Variants in BRIP1 observed in about 807,000 individuals in gnomAD.
The protein encoded by BRIP1 is Fanconi anemia group J protein.
BRIP1 carries 88 observed loss-of-function variants against 119.7 expected under a neutral mutation model. The ratio of observed to expected loss-of-function variants is 0.74; its 90% CI spans 0.62 to 0.88. The LOEUF (loss-of-function observed/expected upper bound fraction) is 0.88. Among genes scored for constraint, BRIP1 ranks in the 40% least tolerant of loss-of-function variants. The probability of loss-of-function intolerance (pLI) is 0.00; values close to 1 mark genes in which losing one functional copy is unlikely to be tolerated. For missense variants in BRIP1, 1,259 were observed against 1,455.4 expected (o/e 0.87, Z 2.20); for synonymous variants, 443 against 496.5 (o/e 0.89, Z 1.43).
rs1018017289 is a variant in BRIP1, at chr17:61,794,589, G to A, written c.1341-860C>T. 6.6e-6 allele frequency among the ~76,000 whole-genome samples: 1 copy of A among 151,586 alleles called. No individual in the cohort carries two copies. The highest frequency in any genetic ancestry group is 2.4e-5 in the African/African-American group (1 of 41,234). On this transcript the variant is annotated intron_variant, in intron 9 of 19. Transcript: ENST00000259008. The surrounding 1 kb of genome is among the most constrained non-coding windows in gnomAD (Gnocchi z 4.3). The stretch of plus-strand genomic sequence containing the variant: ...AGGAAAAATAACTAATGAGTTATAA[G>A]GCTTAATACCTGGGTGATGAAATAA...
rs114832704 is a variant in BRIP1 at position 61,712,025 on chromosome 17, T to A, written c.2492+3926A>T. Reference sequence around the variant, plus strand: ...TTATGTATTTGTATATATATACATATAGCTATGTCTAAGCGATACACAAAT... The same window carrying A: ...TTATGTATTTGTATATATATACATAAAGCTATGTCTAAGCGATACACAAAT... On this transcript the variant is annotated intron_variant, in intron 17 of 19. Coordinates refer to ENST00000259008, the MANE Select transcript of BRIP1 (RefSeq NM_032043.3). 5.0e-3 allele frequency among the ~76,000 whole-genome samples: 757 copies of A among 152,198 alleles called. 2 individuals carry two copies. The highest frequency in any genetic ancestry group is 0.018 in the African/African-American group (734 of 41,520).
In BRIP1 at chr17:61,693,216, A is replaced by T. The variant is rs1464034761; in HGVS notation, c.2575+214T>A. Among the ~76,000 whole-genome samples the T allele has an allele frequency of 6.6e-6, 1 of 152,124 alleles. No homozygotes were observed. The highest frequency in any genetic ancestry group is 1.5e-5 in the Non-Finnish European group (1 of 68,006). On this transcript the variant is annotated intron_variant, in intron 18 of 19. Coordinates refer to ENST00000259008, the MANE Select transcript of BRIP1 (RefSeq NM_032043.3). The surrounding 1 kb of genome is among the most constrained non-coding windows in gnomAD (Gnocchi z 4.2). ...GTGGTTGTCAGTGGACAGGGGGGAG[A>T]GGGACATGGGGCATTGCTGTTCAGT...
In BRIP1 at chr17:61,742,682, C is replaced by T. The variant is rs551923039; in HGVS notation, c.2379+331G>A. Among the ~76,000 whole-genome samples the T allele has an allele frequency of 5.3e-4, 80 of 152,226 alleles. No individual in the cohort carries two copies. Among genetic ancestry groups the T allele is most frequent in the African/African-American group, 1.3e-3 (56 of 41,518 alleles). ...ACATCACTTATGAATTACGTTTGCT[C>T]TCTTATGTGGGTACAGTATGAGATG... On this transcript the variant is annotated intron_variant, in intron 16 of 19. Transcript: ENST00000259008. This position sits in a 1 kb window ranked among gnomAD's most constrained non-coding sequence, Gnocchi z 4.7.
At position 61,796,501 on chromosome 17, in the gene BRIP1, T is replaced by C. The variant is rs1409251183; in HGVS notation, c.1340+2599A>G. Among the ~76,000 whole-genome samples the C allele has an allele frequency of 6.6e-6, 1 of 152,098 alleles. No individual in the cohort carries two copies. Among genetic ancestry groups the C allele is most frequent in the Non-Finnish European group, 1.5e-5 (1 of 67,974 alleles). On this transcript the variant is annotated intron_variant, in intron 9 of 19. Coordinates refer to ENST00000259008, the MANE Select transcript of BRIP1 (RefSeq NM_032043.3). This position sits in a 1 kb window ranked among gnomAD's most constrained non-coding sequence, Gnocchi z 4.8. ...TATCCAGTTTTCCCGGCACCATTTA[T>C]TGAAGAGACTGTCTTTCCCTCAGTG...
chr17:61,840,150 GGC>G (rs2078636096), intron 6 of BRIP1, among the ~76,000 whole-genome samples: 3 of 152,120 alleles, frequency 2.0e-5, no homozygotes, highest in Admixed American at 2.0e-4. Context: ...CCCGAGGTCA[GGC>G]GTTCAAGGCC....
chr17:61,856,972 C>A lies in BRIP1; in HGVS notation c.379+86G>T. ...GAGATATATAATCAGTTATGCTAAC[C>A]AAACTTATATAAATTAGGGCTTATA... is the stretch of plus-strand genomic sequence containing the variant. On this transcript the variant is annotated intron_variant, in intron 4 of 19. Transcript: ENST00000259008. The surrounding 1 kb of genome is among the most constrained non-coding windows in gnomAD (Gnocchi z 5.1). 8 of 1,360,714 alleles carry A rather than the reference C, an allele frequency of 5.9e-6. No homozygotes were observed. Among genetic ancestry groups the A allele is most frequent in the Non-Finnish European group, 8.4e-6 (8 of 951,816 alleles). 84.3% of individuals were successfully genotyped at this position (1,360,714 alleles called of 1,614,324 possible).
In BRIP1 at chr17:61,847,811, T is replaced by C. The variant is rs111643505; in HGVS notation, c.508-591A>G. 2.7e-3 allele frequency among the ~76,000 whole-genome samples: 416 copies of C among 152,314 alleles called. 3 individuals carry two copies. The highest frequency in any genetic ancestry group is 9.6e-3 in the African/African-American group (398 of 41,578). ...CTATTTGTGAAAAATCTATTCACTA[T>C]ATAATTGGGGAGAAAAGCATTTCTA... On this transcript the variant is annotated intron_variant, in intron 5 of 19. Coordinates refer to ENST00000259008, the MANE Select transcript of BRIP1 (RefSeq NM_032043.3).
Position 61,683,227 on chromosome 17 carries a change from TATTA to T in BRIP1, c.*65_*68del. On this transcript the variant is annotated 3_prime_UTR_variant, in exon 20 of 20. Coordinates refer to ENST00000259008, the MANE Select transcript of BRIP1 (RefSeq NM_032043.3). The surrounding 1 kb of genome is among the most constrained non-coding windows in gnomAD (Gnocchi z 4.7). ...TATGCCACTTATTCAATTTACAAAT[TATTA>T]CTTACAACAGAGTTTAACATAAGCA... The T allele has an allele frequency of 6.8e-7, 1 of 1,474,328 alleles. No homozygotes were observed. Among genetic ancestry groups the T allele is most frequent in the South Asian group, 1.2e-5 (1 of 81,790 alleles). The allele number at this position is 1,474,328 out of a possible 1,614,324, so 91.3% of individuals were successfully genotyped here. A position where few individuals can be genotyped will look rare whatever the true frequency, so the allele number is the denominator to read the frequency against.
In BRIP1 at chr17:61,810,375, T is replaced by C. The variant is rs776863870; in HGVS notation, c.628-1618A>G. ...ATGGAATGCAAATTATATCATGATA[T>C]TTCTGACTGAATTCTTTTTGGCTTT... On this transcript the variant is annotated intron_variant, in intron 6 of 19. Coordinates refer to ENST00000259008, the MANE Select transcript of BRIP1 (RefSeq NM_032043.3). This position sits in a 1 kb window ranked among gnomAD's most constrained non-coding sequence, Gnocchi z 4.7. Among the ~76,000 whole-genome samples the C allele has an allele frequency of 6.6e-5, 10 of 152,224 alleles. No individual in the cohort carries two copies. Among genetic ancestry groups the C allele is most frequent in the Non-Finnish European group, 1.2e-4 (8 of 68,044 alleles).
chr17:61,809,358 A>G lies in BRIP1; in HGVS notation c.628-601T>C, dbSNP rs1368613363. ...TAATGAAAGCAGGTTGCTTGTGTGG[A>G]ACAAGTATATCTGAAATTCAGTTAC... On this transcript the variant is annotated intron_variant, in intron 6 of 19. Transcript: ENST00000259008. This position sits in a 1 kb window ranked among gnomAD's most constrained non-coding sequence, Gnocchi z 5.2. 6.6e-6 allele frequency among the ~76,000 whole-genome samples: 1 copy of G among 152,194 alleles called. No homozygotes were observed. Among genetic ancestry groups the G allele is most frequent in the Non-Finnish European group, 1.5e-5 (1 of 68,008 alleles).
intron 6 of BRIP1, among the ~76,000 whole-genome samples, chr17:61,818,117 C>T (rs2078264406): frequency 6.8e-6 from 1 of 147,544 alleles, no homozygotes; most frequent in Non-Finnish European, 1.5e-5. Context: ...CTTTGGGAGG[C>T]CAAGGCAGGC....
intron 6 of BRIP1, among the ~76,000 whole-genome samples, chr17:61,829,287 G>A (rs2078454103): frequency 1.3e-5 from 2 of 151,968 alleles, no homozygotes; most frequent in African/African-American, 4.8e-5. Flanking sequence ...AAGCTGGAGT[G>A]GCTATATCAA....
chr17:61,836,884 T>C (rs1268475853), intron 6 of BRIP1, among the ~76,000 whole-genome samples: 1 of 152,208 alleles, frequency 6.6e-6, no homozygotes, highest in African/African-American at 2.4e-5. Context: ...GAAGAGTTTA[T>C]TCAGAGACAG....
rs2077052468 is a variant in BRIP1, at chr17:61,745,906, A to G, written c.2098-1315T>C. ...AAAATGAAATATAGCAAATGCAAAG[A>G]AAGAAGTTAATAATAAAGCTGAATA... On this transcript the variant is annotated intron_variant, in intron 14 of 19. Coordinates refer to ENST00000259008, the MANE Select transcript of BRIP1 (RefSeq NM_032043.3). The surrounding 1 kb of genome is among the most constrained non-coding windows in gnomAD (Gnocchi z 4.4). 6.6e-6 allele frequency among the ~76,000 whole-genome samples: 1 copy of G among 152,192 alleles called. No homozygotes were observed. Among genetic ancestry groups the G allele is most frequent in the Non-Finnish European group, 1.5e-5 (1 of 68,030 alleles).
rs1387066360 is a variant in BRIP1, at chr17:61,778,614, A to G, written c.1935+1647T>C. ...TAGGTTAAATGGACTTTTGTGCAGT[A>G]GGCTGAGAACATAGAGCCTGTAATA... On this transcript the variant is annotated intron_variant, in intron 13 of 19. Coordinates refer to ENST00000259008, the MANE Select transcript of BRIP1 (RefSeq NM_032043.3). The surrounding 1 kb of genome is among the most constrained non-coding windows in gnomAD (Gnocchi z 4.4). 6.6e-6 allele frequency among the ~76,000 whole-genome samples: 1 copy of G among 152,220 alleles called. No homozygotes were observed. The highest frequency in any genetic ancestry group is 1.9e-4 in the East Asian group (1 of 5,202).
Position 61,861,484 on chromosome 17 carries a change from T to TA in BRIP1, c.55dup (p.Tyr19LeufsTer2), listed in dbSNP as rs1567878148. ...AGCAAGCTGTGACGGGTAAGCTTTATAAGGAAAGTAAATCTTCACCCCACC... is the reference window on the plus strand; with the variant it reads ...AGCAAGCTGTGACGGGTAAGCTTTATAAAGGAAAGTAAATCTTCACCCCACC... On this transcript the variant is annotated frameshift_variant, in exon 2 of 20. Transcript: ENST00000259008. LOFTEE classifies it high-confidence loss of function. This position sits in a 1 kb window ranked among gnomAD's most constrained non-coding sequence, Gnocchi z 4.5. 6.2e-7 allele frequency: 1 copy of TA among 1,613,466 alleles called. No homozygotes were observed. The highest frequency in any genetic ancestry group is 8.5e-7 in the Non-Finnish European group (1 of 1,179,532).
At position 61,846,748 on chromosome 17, in the gene BRIP1, T is replaced by C. The variant is rs1289870786; in HGVS notation, c.627+353A>G. 6.6e-6 allele frequency among the ~76,000 whole-genome samples: 1 copy of C among 152,140 alleles called. No individual in the cohort carries two copies. The highest frequency in any genetic ancestry group is 1.5e-5 in the Non-Finnish European group (1 of 68,022). ...CCTCACAGATCACTCCCCAAAAAAA[T>C]CTCAATATCTAGAACTCCTTGGACT... On this transcript the variant is annotated intron_variant, in intron 6 of 19. Coordinates refer to ENST00000259008, the MANE Select transcript of BRIP1 (RefSeq NM_032043.3). This position sits in a 1 kb window ranked among gnomAD's most constrained non-coding sequence, Gnocchi z 4.3.
Position 61,799,526 on chromosome 17 carries a change from C to G in BRIP1, c.1141-227G>C, listed in dbSNP as rs2077957979. 6.6e-6 allele frequency among the ~76,000 whole-genome samples: 1 copy of G among 152,040 alleles called. No homozygotes were observed. Among genetic ancestry groups the G allele is most frequent in the Non-Finnish European group, 1.5e-5 (1 of 67,998 alleles). ...ATTTTTTTACTCTTAAAATACTTTG[C>G]AAACCTATCGACAGCAACAAAAATA... On this transcript the variant is annotated intron_variant, in intron 8 of 19. Coordinates refer to ENST00000259008, the MANE Select transcript of BRIP1 (RefSeq NM_032043.3). The surrounding 1 kb of genome is among the most constrained non-coding windows in gnomAD (Gnocchi z 5.1).
At chr17:61,849,365 C>T in intron 4 of BRIP1, 109 bp from the exon 5 acceptor site, 1 of 911,672 alleles carries the variant, frequency 1.1e-6, no homozygotes, top group Non-Finnish European at 1.7e-6. Flanking sequence ...AATTTCATAC[C>T]ATAATCTAAA....
Sources: gnomAD v4.1 joint callset for allele counts (sites outside exome capture counted in the v4.1 genomes callset) on GRCh38, gnomAD v4.1.1 for gene constraint, Gnocchi (gnomAD v3.1) non-coding constraint, MANE v1.5 for transcripts, NCBI Gene and HGNC (gene_info 2026-07-23, HGNC 2026-07-21) for gene names.